ZFHX3: variants seen among roughly 807,000 people sequenced by gnomAD.
The protein encoded by ZFHX3 is zinc finger homeobox 3, also known as zinc finger homeobox protein 3.
A neutral mutation model predicts 279.1 loss-of-function variants in ZFHX3; 42 were observed. That is an observed-to-expected ratio of 0.15 (90% CI 0.12 to 0.19). ZFHX3 has a LOEUF of 0.19. Among genes scored for constraint, ZFHX3 ranks in the 10% least tolerant of loss-of-function variants. ZFHX3 has a pLI of 1.00. For missense variants in ZFHX3, 4,981 were observed against 4,754.0 expected, an observed-to-expected ratio of 1.05 and a Z score of -1.40; for synonymous variants, 2,293 against 1,957.8, an observed-to-expected ratio of 1.17 and a Z score of -4.52.
chr16:73,806,109 A>C (rs946871343), intron 1 of ZFHX3, among the ~76,000 whole-genome samples: 2 of 152,144 alleles, frequency 1.3e-5, no homozygotes, highest in African/African-American at 4.8e-5. Context: ...CCCCTATAAA[A>C]CCATCAGCTC....
chr16:72,851,125 C>A (rs1341964166), intron 4 of ZFHX3, among the ~76,000 whole-genome samples: 1 of 152,122 alleles, frequency 6.6e-6, no homozygotes, highest in Non-Finnish European at 1.5e-5. Flanking sequence ...GTCATCACTT[C>A]CATGTTCACA....
intron 1 of ZFHX3, among the ~76,000 whole-genome samples, chr16:73,782,754 C>T (rs1567409086): frequency 2.0e-5 from 3 of 152,192 alleles, no homozygotes; most frequent in Non-Finnish European, 4.4e-5. Flanking sequence ...ATCCTGGGTT[C>T]CAGGTTGTAT....
chr16:72,826,961 T>C (rs1365934260), intron 5 of ZFHX3, among the ~76,000 whole-genome samples: 1 of 152,176 alleles, frequency 6.6e-6, no homozygotes, highest in African/African-American at 2.4e-5. Context: ...CTGAGTAAGA[T>C]TTAATTGAAC....
At chr16:73,411,252 A>G (rs554789560) in intron 3 of ZFHX3, among the ~76,000 whole-genome samples, 20 of 152,356 alleles carry the variant, frequency 1.3e-4, no homozygotes, top group South Asian at 1.2e-3. Flanking sequence ...CAATTTTTTG[A>G]CTTCTTGTAC....
intron 2 of ZFHX3, among the ~76,000 whole-genome samples, chr16:73,565,931 A>G (rs900534469): frequency 6.6e-6 from 1 of 152,202 alleles, no homozygotes; most frequent in Non-Finnish European, 1.5e-5. Context: ...TTAAAAAGTA[A>G]CACATAAAAA....
chr16:73,265,159 C>T (rs2013941342), intron 4 of ZFHX3, among the ~76,000 whole-genome samples: 1 of 151,536 alleles, frequency 6.6e-6, no homozygotes, highest in African/African-American at 2.4e-5. Flanking sequence ...GGGCTGGTTC[C>T]ACATTTTTGC....
At chr16:73,654,201 G>C (rs1413953825) in intron 2 of ZFHX3, among the ~76,000 whole-genome samples, 6 of 141,988 alleles carry the variant, frequency 4.2e-5, no homozygotes, top group South Asian at 2.2e-4. Flanking sequence ...AAAAAAAAAA[G>C]ATAAAAAGAG....
intron 6 of ZFHX3, among the ~76,000 whole-genome samples, chr16:73,135,087 A>G (rs778645798): frequency 6.6e-5 from 10 of 152,224 alleles, no homozygotes; most frequent in African/African-American, 9.6e-5. Context: ...ATACCAATAT[A>G]TTTAAGTGAA....
At chr16:72,874,482 G>A (rs1266142171) in intron 4 of ZFHX3, among the ~76,000 whole-genome samples, 5 of 152,006 alleles carry the variant, frequency 3.3e-5, no homozygotes, top group South Asian at 2.1e-4. Flanking sequence ...GATTGTAGGC[G>A]TGAGCCACCG....
chr16:73,774,260 C>T (rs1333949257), intron 1 of ZFHX3, among the ~76,000 whole-genome samples: 1 of 152,190 alleles, frequency 6.6e-6, no homozygotes, highest in Non-Finnish European at 1.5e-5. Flanking sequence ...GTCTATTTTA[C>T]TATTCACTGT....
At chr16:73,462,800 T>C (rs1268763749) in intron 2 of ZFHX3, among the ~76,000 whole-genome samples, 1 of 152,208 alleles carries the variant, frequency 6.6e-6, no homozygotes, top group Non-Finnish European at 1.5e-5. Flanking sequence ...CATTATATAA[T>C]GTTGAATTCT....
At chr16:73,101,664 A>G (rs2144788274) in intron 7 of ZFHX3, among the ~76,000 whole-genome samples, 1 of 152,064 alleles carries the variant, frequency 6.6e-6, no homozygotes, top group East Asian at 1.9e-4. Flanking sequence ...ACCCTCCCAT[A>G]GTGCTGGGAT....
At position 72,811,401 on chromosome 16, in the gene ZFHX3, T is replaced by A. The variant is rs534268426; in HGVS notation, c.3864+176A>T. Among the ~76,000 whole-genome samples the A allele has an allele frequency of 4.6e-5, 7 of 152,324 alleles. No individual in the cohort carries two copies. In the South Asian group the frequency reaches 1.5e-3, roughly 32 times the overall value. On this transcript the variant is annotated intron_variant, in intron 7 of 9. Coordinates refer to ENST00000268489, the MANE Select transcript of ZFHX3 (RefSeq NM_006885.4). Reference sequence around the variant, plus strand: ...ACATGTTCAGCACTTTGGGCTATGGTCATGCCAAGTCTAAGGCAGGGATAG... The same window carrying A: ...ACATGTTCAGCACTTTGGGCTATGGACATGCCAAGTCTAAGGCAGGGATAG...
intron 1 of ZFHX3, among the ~76,000 whole-genome samples, chr16:73,857,938 A>C: frequency 6.6e-6 from 1 of 152,030 alleles, no homozygotes; most frequent in East Asian, 1.9e-4. Flanking sequence ...GAAACCGAAG[A>C]TACAAAAATT....
intron 5 of ZFHX3, among the ~76,000 whole-genome samples, chr16:73,192,557 T>C (rs979586499): frequency 2.0e-5 from 3 of 152,192 alleles, no homozygotes; most frequent in Admixed American, 2.0e-4. Flanking sequence ...GCGTCTGAGC[T>C]GTCTGGCTCC....
Position 72,845,226 on chromosome 16 carries a change from G to A in ZFHX3, c.3449-15367C>T, listed in dbSNP as rs181680669. Reference sequence around the variant, plus strand: ...TGCTTGTGAAGGTCTGGAAGGGAAGGAAAGAAGGGGAGATGCACCTGAGAA... The same window carrying A: ...TGCTTGTGAAGGTCTGGAAGGGAAGAAAAGAAGGGGAGATGCACCTGAGAA... On this transcript the variant is annotated intron_variant, in intron 4 of 9. Transcript: ENST00000268489. Among the ~76,000 whole-genome samples the A allele has an allele frequency of 5.2e-3, 785 of 152,206 alleles. 14 individuals carry two copies. The highest frequency in any genetic ancestry group is 0.017 in the African/African-American group (714 of 41,528).
At chr16:73,254,152 C>T (rs1347941116) in intron 5 of ZFHX3, among the ~76,000 whole-genome samples, 3 of 152,170 alleles carry the variant, frequency 2.0e-5, no homozygotes, top group Non-Finnish European at 4.4e-5. Flanking sequence ...ACTCCTCTAA[C>T]AGGCAATGGT....
intron 1 of ZFHX3, among the ~76,000 whole-genome samples, chr16:73,033,843 T>C (rs567769645): frequency 1.3e-5 from 2 of 151,934 alleles, no homozygotes; most frequent in South Asian, 2.1e-4. Flanking sequence ...CAAAGGAAAA[T>C]TGTTGTTGTC....
chr16:72,973,618 C>T (rs1962203650), intron 1 of ZFHX3: 1 of 152,302 alleles, frequency 6.6e-6, no homozygotes, highest in Non-Finnish European at 1.5e-5. Context: ...GTGGCTCACA[C>T]TTGTAATCCC....
Sources: allele counts gnomAD v4.1 joint callset (sites outside exome capture counted in the v4.1 genomes callset), GRCh38; gene constraint gnomAD v4.1.1; transcripts MANE v1.5; gene names NCBI Gene and HGNC (gene_info 2026-07-23, HGNC 2026-07-21).